Variants in MDFIC observed in about 807,000 individuals in gnomAD.
MDFIC encodes myoD family inhibitor domain-containing protein.
Under a neutral mutation model 23.2 loss-of-function variants are expected in MDFIC, and 17 were observed. The observed-to-expected ratio is 0.73, with a 90% CI of 0.50 to 1.10. The LOEUF is 1.10. MDFIC is among the 50% of genes least tolerant of loss of function. The pLI, the probability that MDFIC is intolerant of heterozygous loss-of-function variation, is 0.00. For missense variants in MDFIC, 356 were observed against 316.6 expected (o/e 1.12, Z -0.95); for synonymous variants, 120 against 115.2 (o/e 1.04, Z -0.27).
intron 3 of MDFIC, among the ~76,000 whole-genome samples, chr7:114,976,890 G>A (rs750823012): frequency 8.6e-5 from 13 of 151,668 alleles, no homozygotes; most frequent in Non-Finnish European, 1.5e-4. Context: ...CAAGTCTTAC[G>A]TAGTCACCAA....
chr7:114,964,493 C>CCCCTT (rs371523324), intron 3 of MDFIC, among the ~76,000 whole-genome samples: 11 of 107,788 alleles, frequency 1.0e-4, no homozygotes, highest in Non-Finnish European at 1.2e-4. Flanking sequence ...CCCCTCCCCT[C>CCCCTT]CCCTTCCCTT....
intron 2 of MDFIC, among the ~76,000 whole-genome samples, chr7:114,927,622 T>G (rs1365716180): frequency 6.6e-6 from 1 of 152,150 alleles, no homozygotes; most frequent in Non-Finnish European, 1.5e-5. Flanking sequence ...TTTTAATACT[T>G]TATTTCACTA....
intron 3 of MDFIC, among the ~76,000 whole-genome samples, chr7:114,948,661 C>G (rs1792699393): frequency 6.6e-6 from 1 of 151,670 alleles, no homozygotes; most frequent in Non-Finnish European, 1.5e-5. Context: ...TATTCTCTGC[C>G]TTTCTAACAG....
chr7:114,951,226 T>G (rs896504803), intron 3 of MDFIC, among the ~76,000 whole-genome samples: 3 of 114,990 alleles, frequency 2.6e-5, no homozygotes, highest in South Asian at 3.4e-4. Flanking sequence ...TTAGGAAGAA[T>G]AGCCAGTTGG....
intron 4 of MDFIC, among the ~76,000 whole-genome samples, chr7:114,999,816 C>G (rs909711147): frequency 2.0e-5 from 3 of 152,030 alleles, no homozygotes; most frequent in African/African-American, 7.2e-5. Flanking sequence ...AAATTAATTT[C>G]ACTAATTTCT....
At chr7:114,943,713 T>A (rs1438808732) in intron 3 of MDFIC, among the ~76,000 whole-genome samples, 1 of 152,256 alleles carries the variant, frequency 6.6e-6, no homozygotes, top group Non-Finnish European at 1.5e-5. Context: ...ATAACTGGCC[T>A]ATGTTATCTC....
chr7:114,977,307 C>T (rs1167328877), intron 3 of MDFIC, among the ~76,000 whole-genome samples: 1 of 152,076 alleles, frequency 6.6e-6, no homozygotes, highest in African/African-American at 2.4e-5. Context: ...TTATTAGCAG[C>T]ACATAGATGC....
chr7:114,961,840 T>G (rs536256568), intron 3 of MDFIC, among the ~76,000 whole-genome samples: 1 of 152,260 alleles, frequency 6.6e-6, no homozygotes, highest in East Asian at 1.9e-4. Context: ...CCTACAACAC[T>G]GGAGATTACA....
intron 3 of MDFIC, among the ~76,000 whole-genome samples, chr7:114,949,153 T>C (rs1792710495): frequency 6.6e-6 from 1 of 152,252 alleles, no homozygotes; most frequent in Admixed American, 6.5e-5. Flanking sequence ...TATTATATTC[T>C]ATGACATTTG....
intron 2 of MDFIC, 87 bp downstream of exon 2, chr7:114,923,214 A>G: frequency 6.8e-7 from 1 of 1,473,302 alleles, no homozygotes; most frequent in Non-Finnish European, 9.1e-7. Flanking sequence ...GGGTGGGGGG[A>G]GTGCTGTGAG....
At chr7:115,007,433 A>T (rs1562829163) in intron 4 of MDFIC, among the ~76,000 whole-genome samples, 1 of 151,898 alleles carries the variant, frequency 6.6e-6, no homozygotes. Context: ...ATGTGAATGT[A>T]AATATTATTT....
chr7:114,967,104 A>G (rs1339321479), intron 3 of MDFIC, among the ~76,000 whole-genome samples: 3 of 152,180 alleles, frequency 2.0e-5, no homozygotes, highest in Non-Finnish European at 4.4e-5. Context: ...AAAAGTGTTG[A>G]TGCAGTTGAA....
At chr7:114,930,350 G>T (rs932523491) in intron 2 of MDFIC, among the ~76,000 whole-genome samples, 2 of 152,226 alleles carry the variant, frequency 1.3e-5, no homozygotes, top group East Asian at 3.9e-4. Flanking sequence ...TATCACGCAT[G>T]TGTGGGAAGT....
chr7:114,984,914 A>G (rs1793483638), intron 4 of MDFIC, among the ~76,000 whole-genome samples: 1 of 152,240 alleles, frequency 6.6e-6, no homozygotes, highest in African/African-American at 2.4e-5. Context: ...GATATTCTGC[A>G]TTTAGTATGC....
intron 3 of MDFIC, among the ~76,000 whole-genome samples, chr7:114,974,020 A>T (rs1035334524): frequency 2.0e-5 from 3 of 152,178 alleles, no homozygotes; most frequent in African/African-American, 7.2e-5. Context: ...CCAGGGAACT[A>T]AAGAAACAGA....
At chr7:114,988,418 A>G (rs1793549260) in intron 4 of MDFIC, among the ~76,000 whole-genome samples, 1 of 152,172 alleles carries the variant, frequency 6.6e-6, no homozygotes, top group African/African-American at 2.4e-5. Context: ...TTTAGGTCAA[A>G]CATAATATGT....
Position 114,922,607 on chromosome 7 carries a change from G to T in MDFIC, c.-137G>T. 2 of 1,283,878 alleles carry T rather than the reference G, an allele frequency of 1.6e-6. No individual in the cohort carries two copies. The highest frequency in any genetic ancestry group is 2.0e-6 in the Non-Finnish European group (2 of 1,008,838). The allele number at this position is 1,283,878 out of a possible 1,614,324, so 79.5% of individuals were successfully genotyped here. On this transcript the variant is annotated 5_prime_UTR_variant, in exon 1 of 5. Transcript: ENST00000393486. ...AAGAGGAGGAGGAGGAGGAGGAAGG[G>T]GCTTGGAGCGACTACGGGGGGATGC...
At chr7:114,923,376 A>C (rs1416795998) in intron 2 of MDFIC, 1 of 1,383,526 alleles carries the variant, frequency 7.2e-7, no homozygotes, top group African/African-American at 1.4e-5. Flanking sequence ...AAGAAACAGG[A>C]TGACAGGATT....
chr7:115,014,073 C>T (rs983919519), intron 4 of MDFIC: 1 of 985,242 alleles, frequency 1.0e-6, no homozygotes, highest in Non-Finnish European at 1.2e-6. Flanking sequence ...CTGGAATTTC[C>T]CTTTTGAGTA....
Sources: gnomAD v4.1 joint callset for allele counts (sites outside exome capture counted in the v4.1 genomes callset) on GRCh38, gnomAD v4.1.1 for gene constraint, MANE v1.5 for transcripts, NCBI Gene and HGNC (gene_info 2026-07-23, HGNC 2026-07-21) for gene names.